Variants in NIBAN2 observed in about 807,000 individuals in gnomAD.
NIBAN2 encodes niban apoptosis regulator 2.
Under a neutral mutation model 81.8 loss-of-function variants are expected in NIBAN2, and 36 were observed. The ratio of observed to expected loss-of-function variants is 0.44; its 90% CI spans 0.34 to 0.58. The LOEUF (loss-of-function observed/expected upper bound fraction) is 0.58. Among genes scored for constraint, NIBAN2 ranks in the 20% least tolerant of loss-of-function variants. The probability of loss-of-function intolerance (pLI) is 0.02; values close to 1 mark genes in which losing one functional copy is unlikely to be tolerated. For missense variants in NIBAN2, 897 were observed against 1,014.1 expected (o/e 0.88, Z 1.57); for synonymous variants, 445 against 441.6 (o/e 1.01, Z -0.10).
chr9:127,565,171 A>G (rs915326317), intron 1 of NIBAN2, among the ~76,000 whole-genome samples: 1 of 152,024 alleles, frequency 6.6e-6, no homozygotes, highest in East Asian at 2.0e-4. Context: ...CATGTTGCCC[A>G]CGCTGGTCTT....
Position 127,530,685 on chromosome 9 carries a change from A to G in NIBAN2, c.186+963T>C, listed in dbSNP as rs191837271. On this transcript the variant is annotated intron_variant, in intron 2 of 13. Transcript: ENST00000373312. ...CAGTGCCTTCCCTGCTTCAGGCACAACCACCCTGTGAAGGAGGTGTTCTCA... is the reference window on the plus strand; with the variant it reads ...CAGTGCCTTCCCTGCTTCAGGCACAGCCACCCTGTGAAGGAGGTGTTCTCA... 1.9e-3 allele frequency among the ~76,000 whole-genome samples: 288 copies of G among 152,318 alleles called. 1 individual carries two copies. Among genetic ancestry groups the G allele is most frequent in the African/African-American group, 6.4e-3 (266 of 41,580 alleles).
intron 1 of NIBAN2, among the ~76,000 whole-genome samples, chr9:127,534,150 C>G (rs13292915): frequency 0.14 from 21,248 of 152,272 alleles, 1,785 homozygotes; most frequent in Admixed American, 0.28. Context: ...CTCTGAGCCT[C>G]GGTTTCCCCC....
upstream of NIBAN2, among the ~76,000 whole-genome samples, chr9:127,571,771 A>G (rs1837948667): frequency 1.3e-5 from 2 of 152,166 alleles, no homozygotes; most frequent in Admixed American, 6.5e-5. Flanking sequence ...ACACATGTGA[A>G]TAGCTCTCCG....
At position 127,567,702 on chromosome 9, in the gene NIBAN2, G is replaced by A. The variant is rs117387816; in HGVS notation, c.55+1118C>T. ...CACAAAAATAAGTGCAGGCGGACGC[G>A]GTGCTCAGGGCCCACTAGACAGCGA... On this transcript the variant is annotated intron_variant, in intron 1 of 13. Coordinates refer to ENST00000373312, the MANE Select transcript of NIBAN2 (RefSeq NM_022833.4). 8.5e-4 allele frequency among the ~76,000 whole-genome samples: 130 copies of A among 152,252 alleles called. 1 individual carries two copies. In the East Asian group the frequency reaches 0.024, roughly 28 times the overall value.
At chr9:127,513,594 A>G (rs1159588473) in intron 8 of NIBAN2, among the ~76,000 whole-genome samples, 2 of 152,146 alleles carry the variant, frequency 1.3e-5, no homozygotes, top group African/African-American at 4.8e-5. Flanking sequence ...CCTCACTGCT[A>G]CACTCCCGCC....
At chr9:127,532,416 C>T (rs1266088844) in intron 1 of NIBAN2, among the ~76,000 whole-genome samples, 1 of 151,942 alleles carries the variant, frequency 6.6e-6, no homozygotes, top group Admixed American at 6.6e-5. Context: ...GCCAACATGG[C>T]GAAATCCTGT....
At position 127,534,827 on chromosome 9, in the gene NIBAN2, G is replaced by C. The variant is rs144639129; in HGVS notation, c.56-3049C>G. ...TTGTTTTGAAAAATCATGAGGCAGA[G>C]AGGGGGCAAATGGAAGAGAGTCATA... On this transcript the variant is annotated intron_variant, in intron 1 of 13. Coordinates refer to ENST00000373312, the MANE Select transcript of NIBAN2 (RefSeq NM_022833.4). Among the ~76,000 whole-genome samples the C allele has an allele frequency of 1.4e-4, 22 of 152,326 alleles. No homozygotes were observed. The East Asian group carries it at 4.0e-3, about 28-fold the overall frequency.
intron 1 of NIBAN2, chr9:127,578,824 T>C: frequency 8.3e-7 from 1 of 1,209,492 alleles, no homozygotes; most frequent in South Asian, 1.3e-5. Context: ...TCCGCTGCAC[T>C]CCAGCCTGAG....
At chr9:127,556,792 G>A (rs1262108799) in intron 1 of NIBAN2, among the ~76,000 whole-genome samples, 4 of 151,632 alleles carry the variant, frequency 2.6e-5, no homozygotes, top group East Asian at 1.9e-4. Flanking sequence ...TCACAACCAC[G>A]GGCTGGGCGT....
Position 127,528,714 on chromosome 9 carries a change from G to A in NIBAN2, c.187-1392C>T, listed in dbSNP as rs554750269. Among the ~76,000 whole-genome samples, 6 of 152,342 alleles carry A rather than the reference G, an allele frequency of 3.9e-5. No individual in the cohort carries two copies. In the South Asian group the frequency reaches 1.2e-3, roughly 32 times the overall value. On this transcript the variant is annotated intron_variant, in intron 2 of 13. Coordinates refer to ENST00000373312, the MANE Select transcript of NIBAN2 (RefSeq NM_022833.4). ...CCCCTACCACCCCCACACACAGTGG[G>A]CTTTGCCCAAGTCACAGAGCTGCCC...
upstream of NIBAN2, among the ~76,000 whole-genome samples, chr9:127,570,776 G>A (rs78801582): frequency 0.014 from 2,149 of 152,336 alleles, 53 homozygotes; most frequent in African/African-American, 0.05. Flanking sequence ...TTTGAGGGCC[G>A]GGATGCATTC....
intron 4 of NIBAN2, 38 bp downstream of exon 4, chr9:127,525,020 G>T: frequency 2.6e-6 from 4 of 1,515,108 alleles, no homozygotes; most frequent in Non-Finnish European, 3.7e-6. Flanking sequence ...CCAGATGCCT[G>T]TGCAGGGCAT....
chr9:127,551,200 C>G (rs1002299489), intron 1 of NIBAN2, among the ~76,000 whole-genome samples: 24 of 151,890 alleles, frequency 1.6e-4, no homozygotes, highest in African/African-American at 5.1e-4. Context: ...ACCAGCCTGG[C>G]CAACATAGTG....
At chr9:127,560,219 C>T (rs1346355288) in intron 1 of NIBAN2, among the ~76,000 whole-genome samples, 4 of 152,212 alleles carry the variant, frequency 2.6e-5, no homozygotes, top group African/African-American at 9.7e-5. Flanking sequence ...AAACAACCTA[C>T]AGAATCCAGA....
chr9:127,511,807 A>C (rs1836740526), intron 8 of NIBAN2, among the ~76,000 whole-genome samples: 1 of 152,228 alleles, frequency 6.6e-6, no homozygotes, highest in African/African-American at 2.4e-5. Context: ...GCAAACAGGC[A>C]TATGAAAGGT....
At chr9:127,546,383 G>A (rs1588176641) in intron 1 of NIBAN2, among the ~76,000 whole-genome samples, 1 of 152,154 alleles carries the variant, frequency 6.6e-6, no homozygotes, top group African/African-American at 2.4e-5. Context: ...GGGAACCCAG[G>A]GTGCTCTGCT....
chr9:127,563,804 G>C lies in NIBAN2; in HGVS notation c.55+5016C>G, dbSNP rs778000732. Among the ~76,000 whole-genome samples, 1 of 152,116 alleles carries C rather than the reference G, an allele frequency of 6.6e-6. No individual in the cohort carries two copies. Among genetic ancestry groups the C allele is most frequent in the Non-Finnish European group, 1.5e-5 (1 of 68,034 alleles). On this transcript the variant is annotated intron_variant, in intron 1 of 13. Coordinates refer to ENST00000373312, the MANE Select transcript of NIBAN2 (RefSeq NM_022833.4). The surrounding 1 kb of genome is among the most constrained non-coding windows in gnomAD (Gnocchi z 4.1). The stretch of plus-strand genomic sequence containing the variant: ...GCTGGAATTACAAGCGTGAGTCACC[G>C]CGCCCAGCAGAGAGGTAAGTTTTTA...
intron 1 of NIBAN2, among the ~76,000 whole-genome samples, chr9:127,578,219 G>T (rs140237936): frequency 6.6e-6 from 1 of 151,002 alleles, no homozygotes; most frequent in Admixed American, 6.6e-5. Flanking sequence ...TTAGCTGGGC[G>T]TAGTGGCCTG....
chr9:127,543,980 G>C (rs753673392), intron 1 of NIBAN2, among the ~76,000 whole-genome samples: 1 of 152,206 alleles, frequency 6.6e-6, no homozygotes, highest in African/African-American at 2.4e-5. Context: ...CCACTTTATG[G>C]ATAAGGGATC....
Sources: allele counts gnomAD v4.1 joint callset (sites outside exome capture counted in the v4.1 genomes callset), GRCh38; gene constraint gnomAD v4.1.1; non-coding constraint Gnocchi (gnomAD v3.1); transcripts MANE v1.5; gene names NCBI Gene and HGNC (gene_info 2026-07-23, HGNC 2026-07-21).